The following SELPLG variants were observed in gnomAD, a reference collection of about 807,000 sequenced individuals.
SELPLG encodes P-selectin glycoprotein ligand 1.
SELPLG carries 2 observed loss-of-function variants against 1.1 expected under a neutral mutation model. The ratio of observed to expected loss-of-function variants is 1.82; its 90% CI spans 0.74 to 5.71. SELPLG has a LOEUF of 5.71. SELPLG is among the 30% of genes most tolerant of loss of function. The pLI, the probability that SELPLG is intolerant of heterozygous loss-of-function variation, is 0.05. For synonymous variants in SELPLG, 230 were observed against 221.2 expected (o/e 1.04, Z -0.35); for missense variants, 478 against 524.7 (o/e 0.91, Z 0.87).
At chr12:108,631,876 T>C (rs1290124730) in intron 1 of SELPLG, 2 of 1,535,466 alleles carry the variant, frequency 1.3e-6, no homozygotes, top group African/African-American at 1.4e-5. Context: ...CTTATCTCCT[T>C]CTAGACCACT....
intron 1 of SELPLG, among the ~76,000 whole-genome samples, chr12:108,632,758 C>T (rs1391475020): frequency 2.0e-5 from 3 of 152,126 alleles, no homozygotes; most frequent in African/African-American, 7.2e-5. Flanking sequence ...TCAGGCCAAC[C>T]ACCTGCCTCG....
chr12:108,624,353 C>T (rs1450284546), intron 1 of SELPLG, 41 bp from the exon 2 acceptor site: 16 of 1,583,642 alleles, frequency 1.0e-5, no homozygotes, highest in African/African-American at 1.3e-5. Context: ...AAGACAGTTT[C>T]ACCCTTGGGC....
intron 1 of SELPLG, chr12:108,631,829 A>G: frequency 6.9e-7 from 1 of 1,459,778 alleles, no homozygotes; most frequent in Non-Finnish European, 9.3e-7. Flanking sequence ...CAGACAGATT[A>G]ACAAACACAG....
At chr12:108,631,472 C>T (rs2032050931) in intron 1 of SELPLG, among the ~76,000 whole-genome samples, 1 of 152,178 alleles carries the variant, frequency 6.6e-6, no homozygotes, top group Admixed American at 6.5e-5. Context: ...TGGTCTCAAA[C>T]TCCTGGGCTC....
chr12:108,633,083 C>T (rs1279436621), intron 1 of SELPLG, among the ~76,000 whole-genome samples: 2 of 152,158 alleles, frequency 1.3e-5, no homozygotes, highest in East Asian at 1.9e-4. Flanking sequence ...CTCTCCCGAC[C>T]TCAGTTTCCC....
At chr12:108,631,783 T>C in intron 1 of SELPLG, 1 of 1,078,904 alleles carries the variant, frequency 9.3e-7, no homozygotes, top group Non-Finnish European at 1.4e-6. Flanking sequence ...GTTGAACAAC[T>C]GTCTTTAAAC....
chr12:108,624,553 A>G (rs1565889063), intron 1 of SELPLG, among the ~76,000 whole-genome samples: 1 of 152,160 alleles, frequency 6.6e-6, no homozygotes, highest in Non-Finnish European at 1.5e-5. Context: ...CTTCTTCTAG[A>G]TGGTGCATAG....
intron 1 of SELPLG, among the ~76,000 whole-genome samples, chr12:108,629,037 G>A (rs541617587): frequency 1.6e-4 from 25 of 152,318 alleles, no homozygotes; most frequent in Middle Eastern, 3.4e-3. Flanking sequence ...GACTCTCTTC[G>A]GCGCTGCAGG....
At chr12:108,629,503 G>A (rs1981759) in intron 1 of SELPLG, among the ~76,000 whole-genome samples, 2,997 of 152,268 alleles carry the variant, frequency 0.02, 102 homozygotes, top group African/African-American at 0.068. Context: ...TTGAAGGCAG[G>A]GGTTCAAGAC....
chr12:108,622,878 T>C lies in SELPLG; in HGVS notation c.*191A>G, dbSNP rs1200028897. 4 of 531,764 alleles carry C rather than the reference T, an allele frequency of 7.5e-6. No homozygotes were observed. Among genetic ancestry groups the C allele is most frequent in the Admixed American group, 3.6e-5 (1 of 27,608 alleles). The allele number at this position is 531,764 out of a possible 1,614,324, so 32.9% of individuals were successfully genotyped here. A position where few individuals can be genotyped will look rare whatever the true frequency, so the allele number is the denominator to read the frequency against. Reference sequence around the variant, plus strand: ...TCCGCGGAGGGAGGAAAGAGGTGGCTCCACTTGCCCGTCTGCTTGGCCCCA... The same window carrying C: ...TCCGCGGAGGGAGGAAAGAGGTGGCCCCACTTGCCCGTCTGCTTGGCCCCA... On this transcript the variant is annotated 3_prime_UTR_variant, in exon 2 of 2. Coordinates refer to ENST00000550948, the MANE Select transcript of SELPLG (RefSeq NM_003006.4).
intron 1 of SELPLG, among the ~76,000 whole-genome samples, chr12:108,631,526 A>G (rs901796062): frequency 3.3e-5 from 5 of 152,214 alleles, no homozygotes; most frequent in Non-Finnish European, 7.3e-5. Flanking sequence ...TGGGATTTAT[A>G]GGCATGAGCC....
intron 1 of SELPLG, among the ~76,000 whole-genome samples, chr12:108,631,261 T>C (rs149612851): frequency 1.3e-5 from 2 of 152,298 alleles, no homozygotes; most frequent in Non-Finnish European, 2.9e-5. Flanking sequence ...ATGAAAGGTT[T>C]ATTTATTTAT....
intron 1 of SELPLG, chr12:108,631,841 C>T (rs1413545874): frequency 2.0e-6 from 3 of 1,496,736 alleles, no homozygotes; most frequent in South Asian, 2.4e-5. Context: ...CAAACACAGA[C>T]CCCCAACACA....
chr12:108,622,712 C>G lies in SELPLG; in HGVS notation c.*357G>C. ...TCCTTGGGTACATGGGGAGGAGACT[C>G]CAGTGACCAGGAGAAGCGGGGAGAG... is the stretch of plus-strand genomic sequence containing the variant. On this transcript the variant is annotated 3_prime_UTR_variant, in exon 2 of 2. Coordinates refer to ENST00000550948, the MANE Select transcript of SELPLG (RefSeq NM_003006.4). 4.1e-6 allele frequency: 1 copy of G among 243,770 alleles called. No individual in the cohort carries two copies. The allele number at this position is 243,770 out of a possible 1,614,324, so 15.1% of individuals were successfully genotyped here.
rs956140935 is a variant in SELPLG at position 108,622,993 on chromosome 12, T to A, written c.*76A>T. On this transcript the variant is annotated 3_prime_UTR_variant, in exon 2 of 2. Coordinates refer to ENST00000550948, the MANE Select transcript of SELPLG (RefSeq NM_003006.4). ...TCCGAGGAAGCCCAGAGCTGTGGAA[T>A]GGGGTCTGGGCACTCAGGGGTGGCC... is the stretch of plus-strand genomic sequence containing the variant. The A allele has an allele frequency of 7.2e-6, 10 of 1,383,834 alleles. No homozygotes were observed. The highest frequency in any genetic ancestry group is 9.6e-6 in the Non-Finnish European group (10 of 1,044,346). 85.7% of individuals were successfully genotyped at this position (1,383,834 alleles called of 1,614,324 possible).
At position 108,621,915 on chromosome 12, in the gene SELPLG, G is replaced by C. The variant is rs755609864; in HGVS notation, c.*1154C>G. 1.3e-5 allele frequency among the ~76,000 whole-genome samples: 2 copies of C among 152,106 alleles called. No homozygotes were observed. Among genetic ancestry groups the C allele is most frequent in the African/African-American group, 4.8e-5 (2 of 41,396 alleles). ...TCCCATTTTTTTTTTTCTTTAACAG[G>C]AGGATAGATTGATGTTTAGAGGGAT... On this transcript the variant is annotated 3_prime_UTR_variant, in exon 2 of 2. Coordinates refer to ENST00000550948, the MANE Select transcript of SELPLG (RefSeq NM_003006.4).
intron 1 of SELPLG, among the ~76,000 whole-genome samples, chr12:108,632,925 A>C (rs1004752016): frequency 6.6e-6 from 1 of 152,196 alleles, no homozygotes; most frequent in Non-Finnish European, 1.5e-5. Context: ...CCTCAGTCTT[A>C]TAAAAAGTGG....
rs750048286 is a variant in SELPLG, at chr12:108,623,282, C to T, written c.1026G>A (p.Ala342=). 1.9e-5 allele frequency: 30 copies of T among 1,613,950 alleles called. No individual in the cohort carries two copies. Among genetic ancestry groups the T allele is most frequent in the South Asian group, 3.3e-5 (3 of 91,082 alleles). ...TGTGGCCCTTGCGGGAGAGGCGGAC[C>T]GCCAGCACCACAGTGCACACGAAGA... ...TIFFVCTVVL[A]VRLSRKGHMY... is the part of the protein sequence containing the mutation. Residue 342 remains alanine (A), a synonymous_variant, in exon 2 of 2, where the codon GCG becomes GCA. Transcript: ENST00000550948.
At chr12:108,633,131 A>G (rs1232675372) in intron 1 of SELPLG, among the ~76,000 whole-genome samples, 1 of 152,156 alleles carries the variant, frequency 6.6e-6, no homozygotes, top group East Asian at 1.9e-4. Flanking sequence ...TTCTAGGGAA[A>G]CACTCATGGT....
Sources: gnomAD v4.1 joint callset for allele counts (sites outside exome capture counted in the v4.1 genomes callset) on GRCh38, gnomAD v4.1.1 for gene constraint, MANE v1.5 for transcripts, NCBI Gene and HGNC (gene_info 2026-07-23, HGNC 2026-07-21) for gene names.